The following SLC43A3 variants were observed in gnomAD, a reference collection of about 807,000 sequenced individuals.
SLC43A3 encodes equilibrative nucleobase transporter 1.
In SLC43A3, 33 loss-of-function variants were observed where a neutral mutation model predicts 53.3. The observed-to-expected ratio is 0.62, with a 90% confidence interval of 0.47 to 0.83. SLC43A3 has a LOEUF of 0.83. Ranked by LOEUF, SLC43A3 falls within the 40% of genes least tolerant of loss-of-function variation. The pLI is 0.00. For synonymous variants in SLC43A3, 236 were observed against 246.2 expected (o/e 0.96, Z 0.39); for missense variants, 530 against 610.0 (o/e 0.87, Z 1.38).
intron 7 of SLC43A3, 79 bp from the exon 8 acceptor site, chr11:57,417,966 C>T: frequency 1.5e-6 from 2 of 1,364,870 alleles, no homozygotes; most frequent in Non-Finnish European, 2.0e-6. Flanking sequence ...AGGATGGAAG[C>T]AAACTAAGGG....
chr11:57,421,253 T>C (rs1590704197), intron 6 of SLC43A3, 44 bp downstream of exon 6: 1 of 1,540,296 alleles, frequency 6.5e-7, no homozygotes, highest in Non-Finnish European at 9.0e-7. Flanking sequence ...CCCTCCACCT[T>C]CCCGCCACCC....
At chr11:57,420,427 A>C (rs1009626897) in intron 7 of SLC43A3, among the ~76,000 whole-genome samples, 4 of 152,212 alleles carry the variant, frequency 2.6e-5, no homozygotes, top group African/African-American at 9.6e-5. Context: ...CCCTGGGCTA[A>C]GCGGGTCACT....
chr11:57,426,188 G>A lies in SLC43A3; in HGVS notation c.-16C>T. The stretch of plus-strand genomic sequence containing the variant: ...GGCCCGCCATGAGCAGAAGTGGAGT[G>A]GATCTTCAAATCCCACTTTGTCCTC... On this transcript the variant is annotated 5_prime_UTR_variant, in exon 3 of 14. Coordinates refer to ENST00000395124, the MANE Select transcript of SLC43A3 (RefSeq NM_199329.3). 6.2e-7 allele frequency: 1 copy of A among 1,612,758 alleles called. No individual in the cohort carries two copies. Among genetic ancestry groups the A allele is most frequent in the African/African-American group, 1.3e-5 (1 of 75,048 alleles).
rs1443630990 is a variant in SLC43A3 at position 57,421,379 on chromosome 11, C to A, written c.362-6G>T. On this transcript the variant is annotated splice_region_variant and splice_polypyrimidine_tract_variant and intron_variant, in intron 5 of 13. Transcript: ENST00000395124. Reference sequence around the variant, plus strand: ...GAAGAGCAGCACGGCTGAGCCTGGACCATCAAAGTCAGAGGTAGGGTGGTG... The same window carrying A: ...GAAGAGCAGCACGGCTGAGCCTGGAACATCAAAGTCAGAGGTAGGGTGGTG... The A allele has an allele frequency of 1.9e-6, 3 of 1,612,636 alleles. No homozygotes were observed. Among genetic ancestry groups the A allele is most frequent in the Non-Finnish European group, 2.5e-6 (3 of 1,179,130 alleles).
At chr11:57,423,432 T>A (rs1943072866) in intron 5 of SLC43A3, among the ~76,000 whole-genome samples, 1 of 151,938 alleles carries the variant, frequency 6.6e-6, no homozygotes, top group South Asian at 2.1e-4. Context: ...TTTTTTAGGG[T>A]TTTTTGTTTG....
Position 57,414,778 on chromosome 11 carries a change from C to T in SLC43A3, c.944-47G>A, listed in dbSNP as rs1409659155. On this transcript the variant is annotated intron_variant, in intron 10 of 13. Transcript: ENST00000395124. Reference sequence around the variant, plus strand: ...TGGTTGATGAGAAGTTTCCAAAACTCCCTTCCAGGCAGGGACTCTCCCACC... The same window carrying T: ...TGGTTGATGAGAAGTTTCCAAAACTTCCTTCCAGGCAGGGACTCTCCCACC... 3.8e-6 allele frequency: 6 copies of T among 1,560,910 alleles called. No homozygotes were observed. In the African/African-American group the frequency reaches 8.1e-5, roughly 21 times the overall value.
At chr11:57,415,869 T>C (rs927540193) in intron 9 of SLC43A3, among the ~76,000 whole-genome samples, 1 of 152,238 alleles carries the variant, frequency 6.6e-6, no homozygotes, top group African/African-American at 2.4e-5. Context: ...TATGAGGTCA[T>C]AGGATACATA....
chr11:57,418,534 A>C (rs1388342909), intron 7 of SLC43A3, among the ~76,000 whole-genome samples: 1 of 152,124 alleles, frequency 6.6e-6, no homozygotes, highest in East Asian at 1.9e-4. Flanking sequence ...TCTACTAAAA[A>C]TAAATAAATA....
chr11:57,416,140 C>T (rs550284046), intron 9 of SLC43A3, among the ~76,000 whole-genome samples: 4 of 152,056 alleles, frequency 2.6e-5, no homozygotes, highest in Admixed American at 2.6e-4. Context: ...TAGCTAGCTG[C>T]GGTTTGTGAT....
intron 11 of SLC43A3, among the ~76,000 whole-genome samples, chr11:57,412,787 AAC>A (rs1045649314): frequency 6.6e-6 from 1 of 151,924 alleles, no homozygotes; most frequent in African/African-American, 2.4e-5. Context: ...CAGCCTAGGC[AAC>A]ACAGTGAGAC....
At chr11:57,417,658 T>G in intron 8 of SLC43A3, 90 bp downstream of exon 8, 1 of 1,467,656 alleles carries the variant, frequency 6.8e-7, no homozygotes, top group Non-Finnish European at 9.3e-7. Context: ...CCAGTCCTCC[T>G]CCTCTCCTGT....
chr11:57,421,134 T>A, intron 6 of SLC43A3, 70 bp from the exon 7 acceptor site: 1 of 1,320,878 alleles, frequency 7.6e-7, no homozygotes. Context: ...GCACCCAGCA[T>A]GTGGCAGACC....
intron 13 of SLC43A3, 112 bp from the exon 14 acceptor site, chr11:57,408,008 A>C (rs1942277161): frequency 4.4e-6 from 3 of 687,976 alleles, no homozygotes. Context: ...CCAGAAGTCT[A>C]CCGAGTTTAT....
At chr11:57,418,718 C>T (rs1480074528) in intron 7 of SLC43A3, among the ~76,000 whole-genome samples, 10 of 151,888 alleles carry the variant, frequency 6.6e-5, no homozygotes, top group Non-Finnish European at 1.3e-4. Context: ...GGTGAAACCC[C>T]GTCTCTACTG....
chr11:57,412,709 G>A (rs957760048), intron 11 of SLC43A3, among the ~76,000 whole-genome samples: 3 of 152,014 alleles, frequency 2.0e-5, no homozygotes, highest in Admixed American at 6.5e-5. Flanking sequence ...TCGGGATGCT[G>A]AGGCAGGAGA....
intron 4 of SLC43A3, among the ~76,000 whole-genome samples, chr11:57,424,267 G>A (rs184253664): frequency 3.3e-5 from 5 of 152,346 alleles, no homozygotes. Flanking sequence ...TGAGGCCCAA[G>A]GCTAGCATGG....
chr11:57,425,918 G>A lies in SLC43A3; in HGVS notation c.184+71C>T. 3 of 1,488,502 alleles carry A rather than the reference G, an allele frequency of 2.0e-6. No individual in the cohort carries two copies. In the South Asian group the frequency reaches 3.6e-5, roughly 18 times the overall value. 92.2% of individuals were successfully genotyped at this position (1,488,502 alleles called of 1,614,324 possible). On this transcript the variant is annotated intron_variant, in intron 3 of 13. Coordinates refer to ENST00000395124, the MANE Select transcript of SLC43A3 (RefSeq NM_199329.3). ...GAAAGAGGGGTGGGCAGGGGGCAGA[G>A]TCCTTCCTGCTCCTTGCCACCACGT... is the stretch of plus-strand genomic sequence containing the variant.
At chr11:57,419,816 A>AG (rs35513663) in intron 7 of SLC43A3, among the ~76,000 whole-genome samples, 98,644 of 147,636 alleles carry the variant, frequency 0.67, 35,240 homozygotes, top group East Asian at 0.89. Flanking sequence ...AAAAAAAAAA[A>AG]AGAGAGAGGA....
At chr11:57,414,886 C>A (rs1171617676) in intron 10 of SLC43A3, 47 bp downstream of exon 10, 1 of 1,606,056 alleles carries the variant, frequency 6.2e-7, no homozygotes, top group Non-Finnish European at 8.5e-7. Context: ...GCTCTGTGTT[C>A]CCAGCTGGGA....
Sources: gnomAD v4.1 joint callset for allele counts (sites outside exome capture counted in the v4.1 genomes callset) on GRCh38, gnomAD v4.1.1 for gene constraint, MANE v1.5 for transcripts, NCBI Gene and HGNC (gene_info 2026-07-23, HGNC 2026-07-21) for gene names.